The following EHBP1 variants were observed in gnomAD, a reference collection of about 807,000 sequenced individuals.
The protein encoded by EHBP1 is EH domain binding protein 1.
In EHBP1, 55 loss-of-function variants were observed where a neutral mutation model predicts 144.0. The ratio of observed to expected loss-of-function variants is 0.38; its 90% CI spans 0.31 to 0.48. The LOEUF (loss-of-function observed/expected upper bound fraction) is 0.48. EHBP1 is among the 20% of genes least tolerant of loss of function. The pLI, the probability that EHBP1 is intolerant of heterozygous loss-of-function variation, is 0.98. For synonymous variants in EHBP1, 469 were observed against 472.7 expected (o/e 0.99, Z 0.10); for missense variants, 1,200 against 1,364.2 (o/e 0.88, Z 1.90).
intron 10 of EHBP1, among the ~76,000 whole-genome samples, chr2:62,878,076 G>C (rs971388982): frequency 4.6e-5 from 7 of 152,098 alleles, no homozygotes; most frequent in Non-Finnish European, 8.8e-5. Flanking sequence ...AAATAAGATT[G>C]ACAGACTGCT....
intron 6 of EHBP1, among the ~76,000 whole-genome samples, chr2:62,826,783 T>C (rs2046373067): frequency 6.6e-6 from 1 of 152,234 alleles, no homozygotes; most frequent in African/African-American, 2.4e-5. Context: ...TCTTAAGCAC[T>C]GAGTCAGCAT....
intron 15 of EHBP1, among the ~76,000 whole-genome samples, chr2:62,984,198 T>TA (rs545766187): frequency 5.1e-4 from 78 of 152,292 alleles, no homozygotes; most frequent in South Asian, 3.5e-3. Context: ...ACTTTCTGTT[T>TA]AAAAAATGCA....
chr2:62,779,984 C>A (rs2042316232), intron 5 of EHBP1, among the ~76,000 whole-genome samples: 1 of 151,986 alleles, frequency 6.6e-6, no homozygotes, highest in Non-Finnish European at 1.5e-5. Flanking sequence ...GATATTATAT[C>A]ATTTCTTCTA....
intron 2 of EHBP1, among the ~76,000 whole-genome samples, chr2:62,729,508 A>G (rs2037247740): frequency 1.0e-5 from 1 of 98,276 alleles, no homozygotes; most frequent in South Asian, 2.6e-4. Flanking sequence ...TATAATAAAT[A>G]TAATAAAATA....
chr2:62,698,535 C>G (rs12989477), intron 1 of EHBP1, among the ~76,000 whole-genome samples: 17,368 of 152,198 alleles, frequency 0.11, 1,233 homozygotes, highest in East Asian at 0.19. Flanking sequence ...GCACAAAAAC[C>G]TGACTTGCTC....
chr2:63,024,232 T>C (rs1391105182), intron 19 of EHBP1, among the ~76,000 whole-genome samples: 1 of 152,112 alleles, frequency 6.6e-6, no homozygotes, highest in African/African-American at 2.4e-5. Context: ...TAATCCCAGC[T>C]ACTTGGGAGG....
intron 10 of EHBP1, among the ~76,000 whole-genome samples, chr2:62,903,859 G>A (rs542092632): frequency 5.0e-4 from 76 of 152,148 alleles, no homozygotes; most frequent in Non-Finnish European, 8.2e-4. Flanking sequence ...GAAAATTTTC[G>A]TCCATAGTTT....
intron 11 of EHBP1, among the ~76,000 whole-genome samples, 178 bp from the exon 12 acceptor site, chr2:62,943,624 C>T (rs937291689): frequency 2.6e-5 from 4 of 151,940 alleles, no homozygotes; most frequent in Non-Finnish European, 5.9e-5. Flanking sequence ...TGTTTTTATT[C>T]ATTTATTTAT....
Position 62,851,965 on chromosome 2 carries a change from A to T in EHBP1, c.635-7204A>T, listed in dbSNP as rs182323108. 2.0e-5 allele frequency among the ~76,000 whole-genome samples: 3 copies of T among 152,322 alleles called. No homozygotes were observed. In the East Asian group the frequency reaches 5.8e-4, roughly 29 times the overall value. On this transcript the variant is annotated intron_variant, in intron 7 of 22. Transcript: ENST00000431489. The stretch of plus-strand genomic sequence containing the variant: ...CCAAAAGCATGATGATGAGGAAGAC[A>T]TACTCTAAGCATTTGGAAAAATAAT...
intron 7 of EHBP1, among the ~76,000 whole-genome samples, chr2:62,834,191 A>G (rs2047039458): frequency 6.6e-6 from 1 of 152,240 alleles, no homozygotes; most frequent in African/African-American, 2.4e-5. Context: ...TGAAATGACA[A>G]CAAAGGATTT....
At chr2:63,005,495 C>A (rs539176635) in intron 19 of EHBP1, among the ~76,000 whole-genome samples, 19 of 152,106 alleles carry the variant, frequency 1.2e-4, no homozygotes, top group African/African-American at 4.6e-4. Context: ...TCCACTTGTG[C>A]CTTTGGATAA....
chr2:62,884,352 G>T (rs2051735557), intron 10 of EHBP1, among the ~76,000 whole-genome samples: 1 of 152,142 alleles, frequency 6.6e-6, no homozygotes, highest in African/African-American at 2.4e-5. Flanking sequence ...TTCTGTATAT[G>T]ATATGTACAA....
chr2:62,705,269 G>A (rs2151774690), upstream of EHBP1, among the ~76,000 whole-genome samples: 1 of 152,126 alleles, frequency 6.6e-6, no homozygotes, highest in Admixed American at 6.5e-5. Flanking sequence ...GAAACCCACA[G>A]GCAGCTGCAC....
rs975383837 is a variant in EHBP1 at position 62,865,118 on chromosome 2, T to A, written c.998+147T>A. 7.6e-6 allele frequency: 7 copies of A among 917,978 alleles called. No homozygotes were observed. In the African/African-American group the frequency reaches 1.2e-4, roughly 15 times the overall value. The allele number at this position is 917,978 out of a possible 1,614,324, so 56.9% of individuals were successfully genotyped here. ...AACTCGTCCACTATCTGAGTGTTTA[T>A]AGTCTTAAACCTTATTCTCCCACCC... On this transcript the variant is annotated intron_variant, in intron 9 of 22. Coordinates refer to ENST00000431489, the MANE Select transcript of EHBP1 (RefSeq NM_001142616.3).
chr2:63,016,464 C>T (rs2060488923), intron 19 of EHBP1, among the ~76,000 whole-genome samples: 1 of 151,798 alleles, frequency 6.6e-6, no homozygotes, highest in Non-Finnish European at 1.5e-5. Context: ...GAGTCTCGTT[C>T]TTGTCGCCCA....
chr2:62,679,595 G>T (rs1257289861), intron 1 of EHBP1, among the ~76,000 whole-genome samples: 1 of 151,972 alleles, frequency 6.6e-6, no homozygotes. Flanking sequence ...CCCGAAGCAA[G>T]GATCTTAGAA....
intron 21 of EHBP1, chr2:63,044,519 T>C (rs2061846021): frequency 6.6e-6 from 1 of 152,082 alleles, no homozygotes; most frequent in Non-Finnish European, 1.5e-5. Flanking sequence ...ACTTTTAAAG[T>C]TATTGTGAAG....
At chr2:62,961,837 G>A (rs572198916) in intron 14 of EHBP1, among the ~76,000 whole-genome samples, 3 of 151,876 alleles carry the variant, frequency 2.0e-5, no homozygotes, top group Non-Finnish European at 4.4e-5. Context: ...CAGGACCAGC[G>A]TGACCAACAT....
At chr2:62,882,023 C>T (rs2051472795) in intron 10 of EHBP1, among the ~76,000 whole-genome samples, 1 of 152,192 alleles carries the variant, frequency 6.6e-6, no homozygotes, top group Non-Finnish European at 1.5e-5. Context: ...GAACCATACT[C>T]TACTCGGGTA....
Sources: allele counts gnomAD v4.1 joint callset (sites outside exome capture counted in the v4.1 genomes callset), GRCh38; gene constraint gnomAD v4.1.1; transcripts MANE v1.5; gene names NCBI Gene and HGNC (gene_info 2026-07-23, HGNC 2026-07-21).